The following GRM7 variants were observed in gnomAD, a reference collection of about 807,000 sequenced individuals.
The protein encoded by GRM7 is metabotropic glutamate receptor 7.
GRM7 carries 35 observed loss-of-function variants against 84.5 expected under a neutral mutation model. That is an observed-to-expected ratio of 0.41 (90% CI 0.32 to 0.55). The LOEUF (loss-of-function observed/expected upper bound fraction) is 0.55. Ranked by LOEUF, GRM7 falls within the 20% of genes least tolerant of loss-of-function variation. The pLI is 0.19. For missense variants in GRM7, 1,003 were observed against 1,194.6 expected (o/e 0.84, Z 2.36); for synonymous variants, 487 against 455.1 (o/e 1.07, Z -0.89).
chr3:7,542,789 G>T (rs1692950558), intron 7 of GRM7, among the ~76,000 whole-genome samples: 1 of 152,036 alleles, frequency 6.6e-6, no homozygotes, highest in African/African-American at 2.4e-5. Context: ...CTCGTGATCT[G>T]CCTGCCTCGG....
At chr3:7,390,792 G>T (rs1416909728) in intron 4 of GRM7, among the ~76,000 whole-genome samples, 1 of 151,718 alleles carries the variant, frequency 6.6e-6, no homozygotes, top group Non-Finnish European at 1.5e-5. Flanking sequence ...ACTTTTTCTT[G>T]GGTCTGGTTG....
chr3:7,654,532 G>C lies in GRM7; in HGVS notation c.2452-25517G>C, dbSNP rs191052041. ...TACTACTGCTGCACTGTTTCATAAA[G>C]AACACTTCTATTTTATTACTTTGAC... On this transcript the variant is annotated intron_variant, in intron 8 of 9. Coordinates refer to ENST00000357716, the MANE Select transcript of GRM7 (RefSeq NM_000844.4). 2.8e-3 allele frequency among the ~76,000 whole-genome samples: 432 copies of C among 152,284 alleles called. 7 individuals carry two copies. Among genetic ancestry groups the C allele is most frequent in the Middle Eastern group, 0.017 (5 of 294 alleles).
At chr3:7,260,459 C>T (rs368731053) in intron 2 of GRM7, among the ~76,000 whole-genome samples, 7 of 151,950 alleles carry the variant, frequency 4.6e-5, no homozygotes, top group Non-Finnish European at 5.9e-5. Flanking sequence ...GGAATTTATC[C>T]GTTTCTTCTA....
intron 1 of GRM7, among the ~76,000 whole-genome samples, chr3:7,024,658 T>C (rs949877796): frequency 6.6e-6 from 1 of 152,184 alleles, no homozygotes; most frequent in African/African-American, 2.4e-5. Context: ...CTAGTGTAGC[T>C]ATAGGACTAG....
chr3:7,572,517 T>TA (rs761436032), intron 7 of GRM7, among the ~76,000 whole-genome samples: 8 of 151,778 alleles, frequency 5.3e-5, no homozygotes, highest in Admixed American at 4.6e-4. Flanking sequence ...CTACTGCAGT[T>TA]AAAAAAATTC....
intron 1 of GRM7, among the ~76,000 whole-genome samples, chr3:7,083,662 C>G (rs1339055392): frequency 6.6e-6 from 1 of 152,246 alleles, no homozygotes; most frequent in East Asian, 1.9e-4. Context: ...GATCCTGTTC[C>G]AGGTGCTGAG....
chr3:7,368,256 C>T (rs1355135388), intron 4 of GRM7, among the ~76,000 whole-genome samples: 1 of 151,908 alleles, frequency 6.6e-6, no homozygotes, highest in East Asian at 1.9e-4. Context: ...AATAATTGTG[C>T]CACTAATTAA....
At chr3:7,175,636 C>G (rs1286069795) in intron 2 of GRM7, among the ~76,000 whole-genome samples, 2 of 152,038 alleles carry the variant, frequency 1.3e-5, no homozygotes, top group South Asian at 4.2e-4. Context: ...CTCCAGAGTT[C>G]AAGCGATTCT....
At chr3:7,478,819 C>A (rs1037072435) in intron 7 of GRM7, among the ~76,000 whole-genome samples, 3 of 152,194 alleles carry the variant, frequency 2.0e-5, no homozygotes, top group Non-Finnish European at 2.9e-5. Context: ...CATCTCCCCC[C>A]AGGCATGCAG....
intron 5 of GRM7, among the ~76,000 whole-genome samples, chr3:7,417,643 T>C (rs1696222040): frequency 6.6e-6 from 1 of 152,144 alleles, no homozygotes; most frequent in African/African-American, 2.4e-5. Context: ...AATGTTTTTA[T>C]CTGAGGACTG....
At chr3:7,193,094 C>A (rs1465487535) in intron 2 of GRM7, among the ~76,000 whole-genome samples, 1 of 152,042 alleles carries the variant, frequency 6.6e-6, no homozygotes, top group Non-Finnish European at 1.5e-5. Flanking sequence ...TGAACTACTA[C>A]CTTTAGACTC....
intron 1 of GRM7, among the ~76,000 whole-genome samples, chr3:7,056,875 C>G (rs1237275673): frequency 4.0e-5 from 6 of 151,868 alleles, no homozygotes; most frequent in Non-Finnish European, 8.8e-5. Flanking sequence ...AATATTATAA[C>G]TTAGTGCTTG....
intron 1 of GRM7, among the ~76,000 whole-genome samples, chr3:7,109,790 T>C (rs1370090773): frequency 2.0e-5 from 3 of 152,184 alleles, no homozygotes; most frequent in Non-Finnish European, 4.4e-5. Context: ...AATACCAATT[T>C]AGAGAACAGC....
chr3:7,524,980 T>C (rs1209882053), intron 7 of GRM7, among the ~76,000 whole-genome samples: 5 of 149,232 alleles, frequency 3.4e-5, no homozygotes, highest in Non-Finnish European at 7.4e-5. Flanking sequence ...ATGGATGAAA[T>C]TGGAAATCAT....
intron 1 of GRM7, among the ~76,000 whole-genome samples, chr3:6,946,077 G>A (rs553259188): frequency 6.6e-6 from 1 of 152,114 alleles, no homozygotes; most frequent in Non-Finnish European, 1.5e-5. Context: ...GATCCCATTT[G>A]TCAATTTTGT....
intron 1 of GRM7, among the ~76,000 whole-genome samples, chr3:6,864,992 G>A (rs1474501286): frequency 6.6e-6 from 1 of 152,200 alleles, no homozygotes; most frequent in Admixed American, 6.5e-5. Context: ...GGGTTAGTAC[G>A]ATGACATGTC....
At chr3:6,947,075 A>G (rs991348277) in intron 1 of GRM7, among the ~76,000 whole-genome samples, 1 of 152,142 alleles carries the variant, frequency 6.6e-6, no homozygotes, top group Non-Finnish European at 1.5e-5. Context: ...CCTGGCCAGA[A>G]CTTCCAACAC....
chr3:7,552,140 A>T (rs1411816172), intron 7 of GRM7, among the ~76,000 whole-genome samples: 1 of 152,222 alleles, frequency 6.6e-6, no homozygotes, highest in Non-Finnish European at 1.5e-5. Flanking sequence ...TACAGGCCCC[A>T]TGTAAGTCTG....
intron 1 of GRM7, among the ~76,000 whole-genome samples, chr3:6,900,596 A>G (rs911967090): frequency 1.3e-5 from 2 of 152,218 alleles, no homozygotes; most frequent in African/African-American, 4.8e-5. Context: ...TGTTAGCTAC[A>G]TCAGATTTGA....
Sources: gnomAD v4.1 joint callset for allele counts (sites outside exome capture counted in the v4.1 genomes callset) on GRCh38, gnomAD v4.1.1 for gene constraint, MANE v1.5 for transcripts, NCBI Gene and HGNC (gene_info 2026-07-23, HGNC 2026-07-21) for gene names.